The following RAB38 variants were observed in gnomAD, a reference collection of about 807,000 sequenced individuals.
RAB38 encodes the protein ras-related protein Rab-38.
A neutral mutation model predicts 18.4 loss-of-function variants in RAB38; 15 were observed. That is an observed-to-expected ratio of 0.82 (90% CI 0.55 to 1.26). The LOEUF is 1.26. RAB38 is among the 50% of genes most tolerant of loss of function. The pLI, the probability that RAB38 is intolerant of heterozygous loss-of-function variation, is 0.00. For synonymous variants in RAB38, 101 were observed against 104.4 expected, an observed-to-expected ratio of 0.97 and a Z score of 0.20; for missense variants, 294 against 267.4, an observed-to-expected ratio of 1.10 and a Z score of -0.69.
chr11:88,136,213 T>G (rs1191134501), intron 2 of RAB38, among the ~76,000 whole-genome samples: 1 of 152,194 alleles, frequency 6.6e-6, no homozygotes, highest in Non-Finnish European at 1.5e-5. Context: ...CTGCTGCTGC[T>G]CCTCACTTTT....
the RAB38 span, among the ~76,000 whole-genome samples, chr11:87,883,816 G>A: frequency 6.6e-6 from 1 of 151,968 alleles, no homozygotes; most frequent in East Asian, 2.0e-4. Context: ...TACAGACGCT[G>A]AGAAAGTCAA....
At chr11:87,884,455 T>C in the RAB38 span, among the ~76,000 whole-genome samples, 1 of 151,846 alleles carries the variant, frequency 6.6e-6, no homozygotes, top group Admixed American at 6.6e-5. Context: ...ACCATGAAAA[T>C]GACAAGATGG....
chr11:87,811,492 T>A, the RAB38 span, among the ~76,000 whole-genome samples: 1 of 152,188 alleles, frequency 6.6e-6, no homozygotes, highest in Non-Finnish European at 1.5e-5. Flanking sequence ...AGGCCTGATT[T>A]CCATCCCTAT....
chr11:88,022,557 T>A, the RAB38 span, among the ~76,000 whole-genome samples: 12 of 142,586 alleles, frequency 8.4e-5, no homozygotes, highest in Admixed American at 9.1e-4. Context: ...GAAGCCAAAC[T>A]ATTCTTATTT....
the RAB38 span, among the ~76,000 whole-genome samples, chr11:88,042,095 C>T: frequency 6.6e-6 from 1 of 152,122 alleles, no homozygotes; most frequent in African/African-American, 2.4e-5. Flanking sequence ...CGTTTTATTA[C>T]AGCCACATTC....
the RAB38 span, among the ~76,000 whole-genome samples, chr11:87,940,571 C>T: frequency 6.6e-6 from 1 of 151,752 alleles, no homozygotes; most frequent in African/African-American, 2.4e-5. Context: ...CACACACACA[C>T]AGAAATAGAT....
the RAB38 span, among the ~76,000 whole-genome samples, chr11:87,876,050 A>AT: frequency 6.6e-5 from 10 of 151,734 alleles, no homozygotes; most frequent in Admixed American, 4.6e-4. Context: ...GAAGTTAAGA[A>AT]TTGAACTTAG....
At chr11:87,964,028 T>A in the RAB38 span, among the ~76,000 whole-genome samples, 5 of 152,108 alleles carry the variant, frequency 3.3e-5, no homozygotes, top group Non-Finnish European at 5.9e-5. Context: ...AAATCAAAGG[T>A]AACTGTGCAG....
chr11:88,069,437 T>C, the RAB38 span, among the ~76,000 whole-genome samples: 2 of 152,332 alleles, frequency 1.3e-5, no homozygotes, highest in East Asian at 3.9e-4. Flanking sequence ...TGCAGGCACA[T>C]GGCACATGAC....
At chr11:87,821,349 T>C in the RAB38 span, among the ~76,000 whole-genome samples, 1 of 152,200 alleles carries the variant, frequency 6.6e-6, no homozygotes, top group Admixed American at 6.5e-5. Flanking sequence ...CCTAGAATTC[T>C]ACACTCATTA....
intron 2 of RAB38, among the ~76,000 whole-genome samples, chr11:88,143,003 T>A (rs58017372): frequency 0.18 from 26,756 of 152,180 alleles, 2,419 homozygotes; most frequent in African/African-American, 0.22. Flanking sequence ...CAGTCCCTGG[T>A]CTACCATGTA....
chr11:87,917,128 G>A, the RAB38 span, among the ~76,000 whole-genome samples: 1 of 152,082 alleles, frequency 6.6e-6, no homozygotes, highest in Non-Finnish European at 1.5e-5. Flanking sequence ...GGTTTCTTAT[G>A]GGGAAGTCTA....
the RAB38 span, among the ~76,000 whole-genome samples, chr11:87,851,209 A>G: frequency 6.6e-6 from 1 of 152,208 alleles, no homozygotes; most frequent in African/African-American, 2.4e-5. Context: ...CCCAAAGGAC[A>G]TTTATTTGAT....
the RAB38 span, among the ~76,000 whole-genome samples, chr11:87,939,615 T>G: frequency 2.0e-5 from 3 of 151,814 alleles, no homozygotes; most frequent in Non-Finnish European, 2.9e-5. Flanking sequence ...CTCAGAACTT[T>G]GGGAGGCCGA....
the RAB38 span, among the ~76,000 whole-genome samples, chr11:88,024,030 C>G: frequency 6.6e-6 from 1 of 151,950 alleles, no homozygotes; most frequent in Admixed American, 6.6e-5. Context: ...GCTACTAAAG[C>G]AAACATGAAC....
chr11:88,073,387 C>T, the RAB38 span, among the ~76,000 whole-genome samples: 1 of 152,120 alleles, frequency 6.6e-6, no homozygotes, highest in African/African-American at 2.4e-5. Context: ...TGGAACCCCC[C>T]TCTTTTGGAA....
chr11:87,867,313 G>A, the RAB38 span, among the ~76,000 whole-genome samples: 1 of 151,700 alleles, frequency 6.6e-6, no homozygotes, highest in Admixed American at 6.6e-5. Context: ...GTCTCCACGA[G>A]GCAGTTTTAA....
At chr11:87,885,805 A>T in the RAB38 span, among the ~76,000 whole-genome samples, 4 of 152,112 alleles carry the variant, frequency 2.6e-5, no homozygotes, top group African/African-American at 9.6e-5. Context: ...GGAATTTTTT[A>T]AAAAATGAGG....
At chr11:87,953,308 A>T in the RAB38 span, among the ~76,000 whole-genome samples, 1 of 152,198 alleles carries the variant, frequency 6.6e-6, no homozygotes, top group Non-Finnish European at 1.5e-5. Flanking sequence ...TGATGAATGT[A>T]TAAGGAATAG....
Sources: allele counts gnomAD v4.1 joint callset (sites outside exome capture counted in the v4.1 genomes callset), GRCh38; gene constraint gnomAD v4.1.1; transcripts MANE v1.5; gene names NCBI Gene and HGNC (gene_info 2026-07-23, HGNC 2026-07-21).